MGMT: variants seen among roughly 807,000 people sequenced by gnomAD.
The protein encoded by MGMT is methylated-DNA--protein-cysteine methyltransferase.
Under a neutral mutation model 15.9 loss-of-function variants are expected in MGMT, and 14 were observed. The ratio of observed to expected loss-of-function variants is 0.88; its 90% CI spans 0.58 to 1.37. The LOEUF (loss-of-function observed/expected upper bound fraction) is 1.37. Among genes scored for constraint, MGMT ranks in the 40% most tolerant of loss-of-function variants. The pLI is 0.00. For synonymous variants in MGMT, 130 were observed against 118.2 expected, an observed-to-expected ratio of 1.10 and a Z score of -0.65; for missense variants, 282 against 268.1, an observed-to-expected ratio of 1.05 and a Z score of -0.36.
chr10:129,721,893 C>T (rs1848376458), intron 3 of MGMT, among the ~76,000 whole-genome samples: 2 of 151,620 alleles, frequency 1.3e-5, no homozygotes, highest in South Asian at 4.2e-4. Flanking sequence ...GGAAAAATAA[C>T]AAGTTGGCAG....
At chr10:129,651,665 C>T (rs1370345953) in intron 2 of MGMT, among the ~76,000 whole-genome samples, 9 of 152,050 alleles carry the variant, frequency 5.9e-5, no homozygotes, top group African/African-American at 2.2e-4. Flanking sequence ...GAATCCATAC[C>T]GGTCGTTTGC....
At chr10:129,500,870 A>C (rs2119676161) in intron 1 of MGMT, among the ~76,000 whole-genome samples, 1 of 152,320 alleles carries the variant, frequency 6.6e-6, no homozygotes, top group East Asian at 1.9e-4. Flanking sequence ...AGTGTATGAC[A>C]TAAAATTCAG....
At chr10:129,625,111 G>C (rs1024362512) in intron 2 of MGMT, among the ~76,000 whole-genome samples, 1 of 152,142 alleles carries the variant, frequency 6.6e-6, no homozygotes, top group African/African-American at 2.4e-5. Flanking sequence ...AAGATAATGA[G>C]GATGTTATTT....
At position 129,500,585 on chromosome 10, in the gene MGMT, A is replaced by T. The variant is rs568415461; in HGVS notation, c.-13+33289A>T. Among the ~76,000 whole-genome samples, 61 of 152,282 alleles carry T rather than the reference A, an allele frequency of 4.0e-4. No individual in the cohort carries two copies. The South Asian group carries it at 9.3e-3, about 23-fold the overall frequency. On this transcript the variant is annotated intron_variant, in intron 1 of 4. Coordinates refer to ENST00000651593, the MANE Select transcript of MGMT (RefSeq NM_002412.5). ...CGTTATTATTTATTTATTTTGAGAT[A>T]GAGTCTGGCTCTGTTGCCCAGGTGC... is the stretch of plus-strand genomic sequence containing the variant.
chr10:129,514,715 T>C (rs746221180), intron 1 of MGMT, among the ~76,000 whole-genome samples: 9 of 152,082 alleles, frequency 5.9e-5, no homozygotes, highest in Non-Finnish European at 7.4e-5. Flanking sequence ...CCCTCGACGA[T>C]TGAGGATGCA....
chr10:129,628,471 G>A (rs1847174769), intron 2 of MGMT, among the ~76,000 whole-genome samples: 3 of 152,168 alleles, frequency 2.0e-5, no homozygotes, highest in Admixed American at 6.5e-5. Flanking sequence ...CTTTGGTTGA[G>A]CTGGTCTTGA....
chr10:129,516,167 C>T (rs887360597), intron 1 of MGMT, among the ~76,000 whole-genome samples: 2 of 152,174 alleles, frequency 1.3e-5, no homozygotes, highest in Non-Finnish European at 2.9e-5. Context: ...ATTTTTATTG[C>T]TCCATTTGAA....
chr10:129,713,878 G>C (rs1008947233), intron 3 of MGMT, among the ~76,000 whole-genome samples: 1 of 152,142 alleles, frequency 6.6e-6, no homozygotes, highest in African/African-American at 2.4e-5. Context: ...TAGTTCCCAG[G>C]GTCTCATCTG....
chr10:129,467,257 A>C lies in MGMT; in HGVS notation c.-52A>C, dbSNP rs1349109014. 1 of 1,538,314 alleles carries C rather than the reference A, an allele frequency of 6.5e-7. No individual in the cohort carries two copies. The highest frequency in any genetic ancestry group is 1.2e-5 in the South Asian group (1 of 83,430). On this transcript the variant is annotated 5_prime_UTR_variant, in exon 1 of 5. Coordinates refer to ENST00000651593, the MANE Select transcript of MGMT (RefSeq NM_002412.5). ...CGCCCCTAGAACGCTTTGCGTCCCG[A>C]CGCCCGCAGGTCCTCGCGGTGCGCA...
At chr10:129,487,935 G>A (rs61859817) in intron 1 of MGMT, among the ~76,000 whole-genome samples, 35,063 of 143,928 alleles carry the variant, frequency 0.24, 4,326 homozygotes, top group East Asian at 0.33. Context: ...GTGTGTGTGT[G>A]TATATATATA....
chr10:129,535,711 C>T (rs1845976853), intron 1 of MGMT, among the ~76,000 whole-genome samples: 1 of 152,210 alleles, frequency 6.6e-6, no homozygotes, highest in Admixed American at 6.5e-5. Flanking sequence ...TGGAACACCC[C>T]AGCATTGCTC....
At chr10:129,678,141 T>A (rs1847806735) in intron 2 of MGMT, among the ~76,000 whole-genome samples, 2 of 151,986 alleles carry the variant, frequency 1.3e-5, no homozygotes, top group Admixed American at 1.3e-4. Context: ...CCTCGGTGGC[T>A]CCATGCAGGA....
intron 2 of MGMT, among the ~76,000 whole-genome samples, chr10:129,685,153 C>T (rs777928468): frequency 2.6e-5 from 4 of 152,228 alleles, no homozygotes; most frequent in Non-Finnish European, 5.9e-5. Flanking sequence ...GTCAGATAAA[C>T]ATGCAAGATT....
chr10:129,651,215 T>C (rs1847454223), intron 2 of MGMT, among the ~76,000 whole-genome samples: 1 of 152,156 alleles, frequency 6.6e-6, no homozygotes, highest in African/African-American at 2.4e-5. Context: ...GCCCCGTAGC[T>C]CAGGTCCCGT....
At chr10:129,568,012 A>G (rs1053323643) in intron 2 of MGMT, among the ~76,000 whole-genome samples, 1 of 152,248 alleles carries the variant, frequency 6.6e-6, no homozygotes, top group African/African-American at 2.4e-5. Flanking sequence ...GATATTAGGC[A>G]GTGTTGCACT....
Position 129,714,067 on chromosome 10 carries a change from C to T in MGMT, c.274+6024C>T, listed in dbSNP as rs1053268160. On this transcript the variant is annotated intron_variant, in intron 3 of 4. Coordinates refer to ENST00000651593, the MANE Select transcript of MGMT (RefSeq NM_002412.5). Reference sequence around the variant, plus strand: ...TGAGAGCTGCTCCAGGTTGGGGGCTCGCAGCCCCAGCATCCAAAAGCCTGG... The same window carrying T: ...TGAGAGCTGCTCCAGGTTGGGGGCTTGCAGCCCCAGCATCCAAAAGCCTGG... Among the ~76,000 whole-genome samples the T allele has an allele frequency of 2.6e-5, 4 of 152,330 alleles. No individual in the cohort carries two copies. The South Asian group carries it at 8.3e-4, about 32-fold the overall frequency.
chr10:129,539,171 G>C (rs1231225751), intron 2 of MGMT, among the ~76,000 whole-genome samples: 5 of 152,030 alleles, frequency 3.3e-5, no homozygotes, highest in Non-Finnish European at 7.4e-5. Flanking sequence ...TGTGTTCCCT[G>C]TAAGAAATAT....
At chr10:129,715,530 G>C (rs1259770982) in intron 3 of MGMT, 1 of 152,148 alleles carries the variant, frequency 6.6e-6, no homozygotes, top group Non-Finnish European at 1.5e-5. Flanking sequence ...TCATTAGCTG[G>C]ACATGTGCCG....
At chr10:129,509,503 T>C (rs943085603) in intron 1 of MGMT, among the ~76,000 whole-genome samples, 5 of 152,204 alleles carry the variant, frequency 3.3e-5, no homozygotes, top group African/African-American at 1.2e-4. Flanking sequence ...AAGTGGAAAA[T>C]AGCTTACAGT....
Sources: gnomAD v4.1 joint callset for allele counts (sites outside exome capture counted in the v4.1 genomes callset) on GRCh38, gnomAD v4.1.1 for gene constraint, MANE v1.5 for transcripts, NCBI Gene and HGNC (gene_info 2026-07-23, HGNC 2026-07-21) for gene names.